SOD2: variants seen among roughly 807,000 people sequenced by gnomAD.
SOD2 encodes superoxide dismutase [Mn], mitochondrial.
A neutral mutation model predicts 27.0 loss-of-function variants in SOD2; 11 were observed. The observed-to-expected ratio is 0.41, with a 90% CI of 0.26 to 0.67. The LOEUF (loss-of-function observed/expected upper bound fraction) is 0.67, where lower values mean the gene tolerates loss of function less well. SOD2 is among the 30% of genes least tolerant of loss of function. The probability of loss-of-function intolerance (pLI) is 0.34; values close to 1 mark genes in which losing one functional copy is unlikely to be tolerated. For missense variants in SOD2, 250 were observed against 274.5 expected, an observed-to-expected ratio of 0.91 and a Z score of 0.63; for synonymous variants, 105 against 103.0, an observed-to-expected ratio of 1.02 and a Z score of -0.12.
intron 1 of SOD2, among the ~76,000 whole-genome samples, chr6:159,712,144 C>T (rs1258711814): frequency 1.4e-5 from 1 of 71,488 alleles, no homozygotes; most frequent in Non-Finnish European, 3.8e-5. Flanking sequence ...TCCATAACCA[C>T]CACTCAGCTG....
exon 1 of SOD2, chr6:159,761,382 A>G (rs911718399): frequency 5.6e-6 from 2 of 359,870 alleles, no homozygotes; most frequent in African/African-American, 4.3e-5. Flanking sequence ...AACGTCAACC[A>G]AAGGAACTTT....
At position 159,708,675 on chromosome 6, in the gene SOD2, G is replaced by A. The variant is rs576794257; in HGVS notation, c.-115-15812C>T. Among the ~76,000 whole-genome samples the A allele has an allele frequency of 2.6e-4, 40 of 152,234 alleles. 1 individual carries two copies. In the South Asian group the frequency reaches 5.2e-3, roughly 20 times the overall value. ...GTCATGGATGGGAAGAATCAATATCGTGAAAATGGCTATACTGCCCAAGGT... is the reference window on the plus strand; with the variant it reads ...GTCATGGATGGGAAGAATCAATATCATGAAAATGGCTATACTGCCCAAGGT... On this transcript the variant is annotated intron_variant, in intron 1 of 2. Coordinates refer to the SOD2 transcript ENST00000401980.
intron 1 of SOD2, among the ~76,000 whole-genome samples, chr6:159,721,321 C>G (rs988486744): frequency 6.6e-6 from 1 of 151,956 alleles, no homozygotes; most frequent in African/African-American, 2.4e-5. Context: ...CCCGCCTCGG[C>G]CTCCCAAAGT....
At chr6:159,740,588 T>C (rs374493528) in intron 1 of SOD2, among the ~76,000 whole-genome samples, 1 of 152,172 alleles carries the variant, frequency 6.6e-6, no homozygotes, top group Non-Finnish European at 1.5e-5. Context: ...TTTGGTAAAC[T>C]ACGTGTCTTA....
At position 159,670,015 on chromosome 6, in the gene SOD2, T is replaced by C. The variant is rs1779621328; in HGVS notation, c.*12478A>G. On this transcript the variant is annotated 3_prime_UTR_variant, in exon 5 of 5. Coordinates refer to ENST00000538183, the MANE Select transcript of SOD2 (RefSeq NM_000636.4). ...CTCTTCCCAGGAGAATCACTTGTTT[T>C]TTGAGAGACAGGATCTCTTTCACCC... 1 of 152,242 alleles carries C rather than the reference T, an allele frequency of 6.6e-6. No individual in the cohort carries two copies. Among genetic ancestry groups the C allele is most frequent in the Non-Finnish European group, 1.5e-5 (1 of 68,050 alleles). 9.4% of individuals were successfully genotyped at this position (152,242 alleles called of 1,614,324 possible). A position where few individuals can be genotyped will look rare whatever the true frequency, so the allele number is the denominator to read the frequency against.
intron 1 of SOD2, chr6:159,754,974 C>G: frequency 6.7e-7 from 1 of 1,483,112 alleles, no homozygotes; most frequent in Non-Finnish European, 9.0e-7. Flanking sequence ...ACTAAAGAAA[C>G]ATTTTTCAAT....
At chr6:159,720,008 G>C (rs1778001168) in intron 1 of SOD2, among the ~76,000 whole-genome samples, 1 of 150,088 alleles carries the variant, frequency 6.7e-6, no homozygotes, top group Non-Finnish European at 1.5e-5. Flanking sequence ...ACAGGCATGA[G>C]ACACCATGCC....
rs560619457 is a variant in SOD2 at position 159,706,295 on chromosome 6, A to G, written c.-115-13432T>C. On this transcript the variant is annotated intron_variant, in intron 1 of 2. Coordinates refer to the SOD2 transcript ENST00000401980. ...TTAACCTTAAATGTAAATGGGCTAAATGCTCCAATTAAAAGACACAGACTG... is the reference window on the plus strand; with the variant it reads ...TTAACCTTAAATGTAAATGGGCTAAGTGCTCCAATTAAAAGACACAGACTG... Among the ~76,000 whole-genome samples, 5 of 152,332 alleles carry G rather than the reference A, an allele frequency of 3.3e-5. No individual in the cohort carries two copies. In the South Asian group the frequency reaches 1.0e-3, roughly 32 times the overall value.
chr6:159,735,890 C>T (rs537577506), intron 1 of SOD2, among the ~76,000 whole-genome samples: 1 of 152,076 alleles, frequency 6.6e-6, no homozygotes, highest in Non-Finnish European at 1.5e-5. Context: ...CTTTTATAGT[C>T]CCTTAGCAAC....
In SOD2 at chr6:159,692,876, A is replaced by G. The variant is rs534354122; in HGVS notation, c.24-13T>C. ...CTGCCTGCTGGTGCTGAAGACGAGAAAGCACAGCCCGGTCAGTCAGCGCCG... is the reference window on the plus strand; with the variant it reads ...CTGCCTGCTGGTGCTGAAGACGAGAGAGCACAGCCCGGTCAGTCAGCGCCG... On this transcript the variant is annotated splice_polypyrimidine_tract_variant and intron_variant, in intron 1 of 4. Coordinates refer to ENST00000538183, the MANE Select transcript of SOD2 (RefSeq NM_000636.4). 6 of 1,588,970 alleles carry G rather than the reference A, an allele frequency of 3.8e-6. No individual in the cohort carries two copies. The African/African-American group carries it at 8.0e-5, about 21-fold the overall frequency.
chr6:159,716,669 T>C (rs1184565093), intron 1 of SOD2, among the ~76,000 whole-genome samples: 2 of 152,102 alleles, frequency 1.3e-5, no homozygotes, highest in Non-Finnish European at 2.9e-5. Flanking sequence ...GGGGGCAGTA[T>C]TGAAAATATA....
intron 1 of SOD2, among the ~76,000 whole-genome samples, chr6:159,739,398 T>C (rs1475938918): frequency 1.3e-5 from 2 of 152,220 alleles, no homozygotes; most frequent in East Asian, 3.8e-4. Flanking sequence ...TTCTTATTAG[T>C]GTGACCTTCA....
intron 2 of SOD2, 46 bp from the exon 3 acceptor site, chr6:159,688,288 T>A (rs1780287478): frequency 1.8e-6 from 2 of 1,086,612 alleles, no homozygotes; most frequent in Non-Finnish European, 2.9e-6. Flanking sequence ...CTCCTACTTT[T>A]TCAACCACTG....
chr6:159,726,738 A>T (rs1340012448), intron 1 of SOD2: 2 of 1,279,552 alleles, frequency 1.6e-6, no homozygotes, highest in Non-Finnish European at 2.0e-6. Flanking sequence ...AGAGAACAAT[A>T]GCTCCTCGAT....
At chr6:159,713,337 T>C in intron 1 of SOD2, 1 of 658,392 alleles carries the variant, frequency 1.5e-6, no homozygotes, top group Non-Finnish European at 2.8e-6. Context: ...CTGCCAATGC[T>C]ATTACACCTC....
upstream of SOD2, chr6:159,693,272 A>C: frequency 1.8e-6 from 2 of 1,101,446 alleles, no homozygotes; most frequent in Non-Finnish European, 1.3e-6. Flanking sequence ...GGGCCTTAAG[A>C]AAGCGCGGGG....
intron 1 of SOD2, among the ~76,000 whole-genome samples, chr6:159,740,861 C>T (rs1273557974): frequency 6.6e-6 from 1 of 151,896 alleles, no homozygotes; most frequent in Non-Finnish European, 1.5e-5. Flanking sequence ...GCCACCATGC[C>T]CTGCTAATTT....
At chr6:159,690,429 GT>G (rs914988197) in intron 2 of SOD2, among the ~76,000 whole-genome samples, 2 of 151,600 alleles carry the variant, frequency 1.3e-5, no homozygotes, top group Non-Finnish European at 2.9e-5. Context: ...GACCCCGTCT[GT>G]TTTTTTTAGA....
At chr6:159,699,561 A>G (rs1777488694) in intron 1 of SOD2, among the ~76,000 whole-genome samples, 1 of 145,632 alleles carries the variant, frequency 6.9e-6, no homozygotes, top group Non-Finnish European at 1.5e-5. Flanking sequence ...ACTCCACGAG[A>G]AAAAAAAAAA....
Sources: allele counts gnomAD v4.1 joint callset (sites outside exome capture counted in the v4.1 genomes callset), GRCh38; gene constraint gnomAD v4.1.1; transcripts MANE v1.5; gene names NCBI Gene and HGNC (gene_info 2026-07-23, HGNC 2026-07-21).